DTNB: variants seen among roughly 807,000 people sequenced by gnomAD.
DTNB encodes dystrobrevin beta.
In DTNB, 63 loss-of-function variants were observed where a neutral mutation model predicts 90.7. The observed-to-expected ratio is 0.69, with a 90% CI of 0.57 to 0.86. The LOEUF (loss-of-function observed/expected upper bound fraction) is 0.86, where lower values mean the gene tolerates loss of function less well. Among genes scored for constraint, DTNB ranks in the 40% least tolerant of loss-of-function variants. DTNB has a pLI of 0.00. For synonymous variants in DTNB, 277 were observed against 286.7 expected, an observed-to-expected ratio of 0.97 and a Z score of 0.34; for missense variants, 744 against 807.1, an observed-to-expected ratio of 0.92 and a Z score of 0.95.
intron 10 of DTNB, among the ~76,000 whole-genome samples, chr2:25,456,775 C>G (rs2060107239): frequency 6.6e-6 from 1 of 151,766 alleles, no homozygotes; most frequent in Admixed American, 6.6e-5. Context: ...CCTCTGTTGG[C>G]CAGGCTGGTC....
rs772920282 is a variant in DTNB, at chr2:25,449,963, C to T, written c.1257+1585G>A. On this transcript the variant is annotated intron_variant, in intron 12 of 20. Transcript: ENST00000406818. ...ATTTTTAGTAGATATGGGGTTTCAC[C>T]GTGTTAGCCAGGATAGTCTCGATCT... Among the ~76,000 whole-genome samples the T allele has an allele frequency of 3.3e-5, 5 of 152,030 alleles. No individual in the cohort carries two copies. The East Asian group carries it at 5.8e-4, about 18-fold the overall frequency.
At chr2:25,466,933 C>T (rs1158595457) in intron 10 of DTNB, among the ~76,000 whole-genome samples, 1 of 152,126 alleles carries the variant, frequency 6.6e-6, no homozygotes, top group African/African-American at 2.4e-5. Context: ...AGGTTAAAAG[C>T]GTGAAAGAGT....
intron 5 of DTNB, among the ~76,000 whole-genome samples, chr2:25,598,525 C>T (rs996989991): frequency 6.6e-6 from 1 of 152,158 alleles, no homozygotes; most frequent in Non-Finnish European, 1.5e-5. Flanking sequence ...TGCTTAAGGT[C>T]AAAAAGTTCA....
At chr2:25,545,746 T>C (rs1385611723) in intron 8 of DTNB, among the ~76,000 whole-genome samples, 1 of 152,106 alleles carries the variant, frequency 6.6e-6, no homozygotes, top group Non-Finnish European at 1.5e-5. Flanking sequence ...CTCAGCCTCC[T>C]GAGTAGCTGG....
chr2:25,482,708 C>A, intron 10 of DTNB, 88 bp downstream of exon 10: 2 of 1,354,450 alleles, frequency 1.5e-6, no homozygotes, highest in Non-Finnish European at 2.1e-6. Context: ...TGTGGAACAA[C>A]CTGCTTTTCA....
chr2:25,638,965 T>C (rs757462596), intron 3 of DTNB, 49 bp downstream of exon 3: 20 of 1,455,042 alleles, frequency 1.4e-5, no homozygotes, highest in Admixed American at 6.9e-5. Flanking sequence ...TCTTTTCTAA[T>C]ATTGAGAACT....
intron 16 of DTNB, among the ~76,000 whole-genome samples, chr2:25,396,853 C>T (rs190680450): frequency 6.6e-6 from 1 of 152,110 alleles, no homozygotes; most frequent in Admixed American, 6.5e-5. Context: ...TTTTGTCTCC[C>T]CAGCTACTTT....
At chr2:25,399,074 C>T (rs1030650065) in intron 16 of DTNB, among the ~76,000 whole-genome samples, 9 of 152,132 alleles carry the variant, frequency 5.9e-5, no homozygotes, top group Non-Finnish European at 8.8e-5. Context: ...TTTTTTGAGA[C>T]GGAATCTCTC....
intron 3 of DTNB, among the ~76,000 whole-genome samples, chr2:25,630,291 A>C (rs983040905): frequency 3.9e-5 from 6 of 152,204 alleles, no homozygotes; most frequent in Admixed American, 6.5e-5. Flanking sequence ...GCTGGTGCAA[A>C]TGCAAAAGCA....
chr2:25,431,542 G>T (rs2053850915), intron 14 of DTNB, among the ~76,000 whole-genome samples: 3 of 152,142 alleles, frequency 2.0e-5, no homozygotes, highest in Admixed American at 2.0e-4. Flanking sequence ...ACCCTCATTG[G>T]TCTCAGATTT....
chr2:25,552,852 T>A (rs1311779501), intron 8 of DTNB, among the ~76,000 whole-genome samples: 7 of 126,218 alleles, frequency 5.5e-5, no homozygotes, highest in African/African-American at 1.8e-4. Flanking sequence ...TTTTTTTTTT[T>A]TTTTTTTTTT....
chr2:25,657,195 G>A (rs892485872), intron 1 of DTNB, among the ~76,000 whole-genome samples: 2 of 151,710 alleles, frequency 1.3e-5, no homozygotes, highest in African/African-American at 2.4e-5. Flanking sequence ...TAAATGAAAG[G>A]GTTGAAACTG....
At chr2:25,650,606 G>C (rs563844446) in intron 2 of DTNB, among the ~76,000 whole-genome samples, 1 of 152,338 alleles carries the variant, frequency 6.6e-6, no homozygotes, top group South Asian at 2.1e-4. Flanking sequence ...GGCATTCTTA[G>C]GAGTGGGGTC....
intron 9 of DTNB, among the ~76,000 whole-genome samples, chr2:25,514,682 T>G: frequency 1.4e-5 from 1 of 69,304 alleles, no homozygotes; most frequent in Non-Finnish European, 2.5e-5. Context: ...GAAAAAAATC[T>G]TTTTTTTTTT....
At chr2:25,550,654 A>C (rs907557217) in intron 8 of DTNB, among the ~76,000 whole-genome samples, 4 of 151,678 alleles carry the variant, frequency 2.6e-5, no homozygotes, top group South Asian at 4.1e-4. Flanking sequence ...GACATTCTAG[A>C]ATATTTTCAG....
At chr2:25,496,854 A>T (rs1040124472) in intron 9 of DTNB, among the ~76,000 whole-genome samples, 1 of 151,886 alleles carries the variant, frequency 6.6e-6, no homozygotes, top group Non-Finnish European at 1.5e-5. Context: ...AAAAAAAAAA[A>T]AAAAAGATAA....
Position 25,580,699 on chromosome 2 carries a change from GAAC to G in DTNB, c.709+19_709+21del, listed in dbSNP as rs1325637932. ...TATACTTTCTATAGCATGCGGAATTGAACAATAAAAGTTCTGCTTACCATTCTC... is the reference window on the plus strand; with the variant it reads ...TATACTTTCTATAGCATGCGGAATTGAATAAAAGTTCTGCTTACCATTCTC... On this transcript the variant is annotated intron_variant, in intron 7 of 20. Transcript: ENST00000406818. The G allele has an allele frequency of 1.8e-5, 28 of 1,598,484 alleles. No individual in the cohort carries two copies. The highest frequency in any genetic ancestry group is 2.4e-5 in the Non-Finnish European group (28 of 1,166,162).
At chr2:25,389,255 C>G in intron 16 of DTNB, among the ~76,000 whole-genome samples, 1 of 152,250 alleles carries the variant, frequency 6.6e-6, no homozygotes, top group East Asian at 1.9e-4. Context: ...CCCCTTGACT[C>G]CAAGGGTGGC....
rs374271944 is a variant in DTNB, at chr2:25,432,807, C to T, written c.1457+79G>A. On this transcript the variant is annotated intron_variant, in intron 14 of 20. Transcript: ENST00000406818. ...TGTTTATACTGAACAACAGATTCTA[C>T]CCCACTCCTTTGGTTTCCTCAGATA... is the stretch of plus-strand genomic sequence containing the variant. 2,257 of 1,396,150 alleles carry T rather than the reference C, an allele frequency of 1.6e-3. 45 individuals carry two copies. In the South Asian group the frequency reaches 0.027, roughly 16 times the overall value. The allele number at this position is 1,396,150 out of a possible 1,614,324, so 86.5% of individuals were successfully genotyped here.
Sources: gnomAD v4.1 joint callset for allele counts (sites outside exome capture counted in the v4.1 genomes callset) on GRCh38, gnomAD v4.1.1 for gene constraint, MANE v1.5 for transcripts, NCBI Gene and HGNC (gene_info 2026-07-23, HGNC 2026-07-21) for gene names.